FAM13A: variants seen among roughly 807,000 people sequenced by gnomAD.
FAM13A encodes family with sequence similarity 13 member A.
A neutral mutation model predicts 129.6 loss-of-function variants in FAM13A; 76 were observed. The observed-to-expected ratio is 0.59, with a 90% CI of 0.49 to 0.71. The LOEUF is 0.71. Among genes scored for constraint, FAM13A ranks in the 30% least tolerant of loss-of-function variants. The pLI, the probability that FAM13A is intolerant of heterozygous loss-of-function variation, is 0.00. For synonymous variants in FAM13A, 443 were observed against 449.9 expected (o/e 0.98, Z 0.20); for missense variants, 1,108 against 1,249.3 (o/e 0.89, Z 1.70).
intron 3 of FAM13A, among the ~76,000 whole-genome samples, chr4:89,006,087 C>T (rs7654837): frequency 7.7e-4 from 117 of 152,148 alleles, no homozygotes; most frequent in African/African-American, 2.5e-3. Context: ...ATTTTGTATA[C>T]GGTGTAAAGA....
chr4:88,922,664 A>T (rs893677253), intron 5 of FAM13A, among the ~76,000 whole-genome samples: 1 of 152,220 alleles, frequency 6.6e-6, no homozygotes, highest in Admixed American at 6.5e-5. Context: ...GAGCAAACAC[A>T]TTCAAAAGCT....
intron 3 of FAM13A, among the ~76,000 whole-genome samples, chr4:89,015,928 G>GT (rs2149096770): frequency 6.6e-6 from 1 of 152,060 alleles, no homozygotes; most frequent in East Asian, 1.9e-4. Context: ...ATATATACGT[G>GT]TATGTTAATT....
rs1736435895 is a variant in FAM13A at position 88,726,230 on chromosome 4, T to G, written c.*2303A>C. 6.6e-6 allele frequency: 1 copy of G among 152,156 alleles called. No homozygotes were observed. The highest frequency in any genetic ancestry group is 2.4e-5 in the African/African-American group (1 of 41,438). The allele number at this position is 152,156 out of a possible 1,614,324, so 9.4% of individuals were successfully genotyped here. A position where few individuals can be genotyped will look rare whatever the true frequency, so the allele number is the denominator to read the frequency against. Reference sequence around the variant, plus strand: ...ACTGACTGACTGACTAACAAACATTTCTTCAAATAAGATCTAGTGTGAAAA... The same window carrying G: ...ACTGACTGACTGACTAACAAACATTGCTTCAAATAAGATCTAGTGTGAAAA... On this transcript the variant is annotated 3_prime_UTR_variant, in exon 24 of 24. Transcript: ENST00000264344.
chr4:88,741,318 A>G (rs926934196), intron 19 of FAM13A, among the ~76,000 whole-genome samples: 3 of 152,244 alleles, frequency 2.0e-5, no homozygotes, highest in Admixed American at 1.3e-4. Flanking sequence ...AGCAACGAGA[A>G]TAAGTGAATC....
intron 3 of FAM13A, among the ~76,000 whole-genome samples, chr4:88,992,528 C>G (rs1191944403): frequency 6.6e-6 from 1 of 152,100 alleles, no homozygotes. Flanking sequence ...ACCCACCACA[C>G]CCGGCCAGAA....
At chr4:88,965,625 C>T in intron 4 of FAM13A, among the ~76,000 whole-genome samples, 1 of 152,030 alleles carries the variant, frequency 6.6e-6, no homozygotes, top group East Asian at 1.9e-4. Flanking sequence ...GCGTAGAGTT[C>T]AGTAGTCTTA....
At chr4:88,781,393 A>C in intron 10 of FAM13A, 42 bp from the exon 11 acceptor site, 5 of 1,394,566 alleles carry the variant, frequency 3.6e-6, no homozygotes, top group Non-Finnish European at 5.0e-6. Flanking sequence ...TAAAAGATCA[A>C]ATGGTCATTG....
At chr4:88,981,285 G>A (rs917865853) in intron 4 of FAM13A, among the ~76,000 whole-genome samples, 6 of 152,166 alleles carry the variant, frequency 3.9e-5, no homozygotes, top group Non-Finnish European at 5.9e-5. Context: ...TGTGCACAAT[G>A]AGTTTAATGC....
Position 88,726,383 on chromosome 4 carries a change from T to TTTC in FAM13A, c.*2147_*2149dup, listed in dbSNP as rs1328902724. 1 of 151,152 alleles carries TTTC rather than the reference T, an allele frequency of 6.6e-6. No homozygotes were observed. Among genetic ancestry groups the TTTC allele is most frequent in the Non-Finnish European group, 1.5e-5 (1 of 67,814 alleles). The allele number at this position is 151,152 out of a possible 1,614,324, so 9.4% of individuals were successfully genotyped here. On this transcript the variant is annotated 3_prime_UTR_variant, in exon 24 of 24. Coordinates refer to ENST00000264344, the MANE Select transcript of FAM13A (RefSeq NM_014883.4). ...TTATTTTATATAACTTACTTGGTGT[T>TTTC]TTCTTTTATTGAATCATACAAATTC...
intron 3 of FAM13A, among the ~76,000 whole-genome samples, chr4:88,999,100 C>T (rs1763919178): frequency 6.6e-6 from 1 of 152,150 alleles, no homozygotes; most frequent in Non-Finnish European, 1.5e-5. Flanking sequence ...AGTGATCCTC[C>T]TGTTCCCAGA....
At chr4:89,019,363 G>A (rs1252912294) in intron 3 of FAM13A, among the ~76,000 whole-genome samples, 1 of 151,998 alleles carries the variant, frequency 6.6e-6, no homozygotes, top group Non-Finnish European at 1.5e-5. Flanking sequence ...TCTCTAATTT[G>A]GGAAAAATAA....
chr4:88,839,473 A>G (rs1302654554), intron 7 of FAM13A, among the ~76,000 whole-genome samples: 2 of 152,252 alleles, frequency 1.3e-5, no homozygotes, highest in African/African-American at 2.4e-5. Flanking sequence ...GACAGTCAAT[A>G]GACAAAGGAA....
chr4:88,750,738 G>T, intron 14 of FAM13A, 101 bp from the exon 15 acceptor site: 1 of 823,638 alleles, frequency 1.2e-6, no homozygotes, highest in Non-Finnish European at 1.9e-6. Context: ...GCTTTAGGAA[G>T]CTGCCCATTG....
intron 6 of FAM13A, among the ~76,000 whole-genome samples, chr4:88,890,841 T>G (rs1745194478): frequency 6.6e-6 from 1 of 152,096 alleles, no homozygotes; most frequent in African/African-American, 2.4e-5. Context: ...CTAGAATATT[T>G]TAAAAATAAG....
chr4:88,977,953 C>G (rs1038434580), intron 4 of FAM13A, among the ~76,000 whole-genome samples: 1 of 152,036 alleles, frequency 6.6e-6, no homozygotes, highest in Non-Finnish European at 1.5e-5. Flanking sequence ...TAATTTTTTA[C>G]GTGATACAAA....
At chr4:88,792,395 G>A (rs1436935062) in intron 8 of FAM13A, among the ~76,000 whole-genome samples, 1 of 152,044 alleles carries the variant, frequency 6.6e-6, no homozygotes, top group Non-Finnish European at 1.5e-5. Context: ...TGGATATGGA[G>A]GCCTGGCCTT....
intron 8 of FAM13A, among the ~76,000 whole-genome samples, chr4:88,802,127 G>T (rs1727590140): frequency 6.6e-6 from 1 of 152,172 alleles, no homozygotes; most frequent in Non-Finnish European, 1.5e-5. Context: ...GACTATAAGA[G>T]AGAACAGGGT....
At chr4:88,746,461 A>C (rs1194550385) in intron 19 of FAM13A, among the ~76,000 whole-genome samples, 1 of 152,204 alleles carries the variant, frequency 6.6e-6, no homozygotes, top group Non-Finnish European at 1.5e-5. Flanking sequence ...ACTTCTTTAC[A>C]AACACTAGTT....
chr4:88,770,978 T>C (rs889836085), intron 11 of FAM13A, among the ~76,000 whole-genome samples: 4 of 152,204 alleles, frequency 2.6e-5, no homozygotes, highest in African/African-American at 9.6e-5. Context: ...TAAGGCTTTT[T>C]TGTAATTCTA....
Sources: gnomAD v4.1 joint callset for allele counts (sites outside exome capture counted in the v4.1 genomes callset) on GRCh38, gnomAD v4.1.1 for gene constraint, MANE v1.5 for transcripts, NCBI Gene and HGNC (gene_info 2026-07-23, HGNC 2026-07-21) for gene names.